Variants in SNTG1 observed in about 807,000 individuals in gnomAD.
SNTG1 encodes gamma-1-syntrophin.
SNTG1 carries 39 observed loss-of-function variants against 74.7 expected under a neutral mutation model. The observed-to-expected ratio is 0.52, with a 90% confidence interval of 0.40 to 0.68. SNTG1 has a LOEUF of 0.68. Among genes scored for constraint, SNTG1 ranks in the 30% least tolerant of loss-of-function variants. The pLI, the probability that SNTG1 is intolerant of heterozygous loss-of-function variation, is 0.00. For missense variants in SNTG1, 685 were observed against 609.5 expected (o/e 1.12, Z -1.30); for synonymous variants, 254 against 217.1 (o/e 1.17, Z -1.49).
chr8:50,780,252 T>A (rs1312529905), intron 18 of SNTG1, among the ~76,000 whole-genome samples: 1 of 152,188 alleles, frequency 6.6e-6, no homozygotes, highest in Non-Finnish European at 1.5e-5. Context: ...CTTTTTCTAT[T>A]GGTTGGAATA....
chr8:50,049,429 A>G (rs981742790), intron 1 of SNTG1, among the ~76,000 whole-genome samples: 22 of 152,298 alleles, frequency 1.4e-4, no homozygotes, highest in African/African-American at 5.3e-4. Context: ...GCATGGATTG[A>G]TTCATCAGAA....
chr8:50,421,071 G>T (rs1302188967), intron 4 of SNTG1, among the ~76,000 whole-genome samples: 1 of 142,122 alleles, frequency 7.0e-6, no homozygotes, highest in South Asian at 2.3e-4. Context: ...CGAAGATAAA[G>T]GGACATTTAA....
chr8:49,951,376 A>C (rs7814847), intron 1 of SNTG1, among the ~76,000 whole-genome samples: 1,785 of 152,330 alleles, frequency 0.012, 35 homozygotes, highest in African/African-American at 0.04. Flanking sequence ...GAGACAAATG[A>C]AATTAGTCCA....
intron 1 of SNTG1, among the ~76,000 whole-genome samples, chr8:49,969,060 T>C (rs998422088): frequency 6.6e-6 from 1 of 152,136 alleles, no homozygotes; most frequent in African/African-American, 2.4e-5. Flanking sequence ...GTGTGTAAAA[T>C]GAATTGGAGG....
chr8:50,270,043 C>T (rs1004054888), intron 2 of SNTG1, among the ~76,000 whole-genome samples: 2 of 151,720 alleles, frequency 1.3e-5, no homozygotes, highest in Admixed American at 1.3e-4. Flanking sequence ...AAGATTTTTC[C>T]AAGTATAAGT....
chr8:50,792,181 C>T (rs535824852), intron 18 of SNTG1, among the ~76,000 whole-genome samples: 1 of 151,532 alleles, frequency 6.6e-6, no homozygotes, highest in South Asian at 2.1e-4. Flanking sequence ...CCATTTGGCT[C>T]CTCTGGTTAT....
intron 13 of SNTG1, among the ~76,000 whole-genome samples, chr8:50,601,481 G>A (rs2094774827): frequency 6.6e-6 from 1 of 152,102 alleles, no homozygotes; most frequent in South Asian, 2.1e-4. Flanking sequence ...TGCAGTCAGA[G>A]AAAATGCTTG....
intron 17 of SNTG1, among the ~76,000 whole-genome samples, chr8:50,725,680 A>G (rs1459044418): frequency 6.6e-6 from 1 of 152,170 alleles, no homozygotes; most frequent in Non-Finnish European, 1.5e-5. Context: ...AGGCTGTTAC[A>G]CCAACTGGCT....
chr8:50,152,407 AT>A (rs1197526448), intron 1 of SNTG1, among the ~76,000 whole-genome samples: 1 of 152,166 alleles, frequency 6.6e-6, no homozygotes, highest in Non-Finnish European at 1.5e-5. Context: ...GCCCATTTAC[AT>A]TTAAGGTTAA....
Position 50,119,659 on chromosome 8 carries a change from C to T in SNTG1, c.-102-52902C>T, listed in dbSNP as rs2080932186. 1.4e-5 allele frequency among the ~76,000 whole-genome samples: 2 copies of T among 141,320 alleles called. 1 individual carries two copies. The highest frequency in any genetic ancestry group is 3.1e-5 in the Non-Finnish European group (2 of 63,530). 92.7% of individuals were successfully genotyped at this position (141,320 alleles called of 152,430 possible). ...TAATAGGTAAACAGATAATAGCTAG[C>T]ATTGAGCTAGCTAGCTATTATTTTT... On this transcript the variant is annotated intron_variant, in intron 1 of 18. Coordinates refer to ENST00000642720, the MANE Select transcript of SNTG1 (RefSeq NM_018967.5).
At chr8:49,933,323 C>T (rs1334030534) in intron 1 of SNTG1, among the ~76,000 whole-genome samples, 1 of 152,108 alleles carries the variant, frequency 6.6e-6, no homozygotes, top group Admixed American at 6.5e-5. Flanking sequence ...GGGTAACTGA[C>T]TCTAGTTTTA....
intron 9 of SNTG1, among the ~76,000 whole-genome samples, chr8:50,515,854 G>C (rs1209627856): frequency 2.0e-5 from 3 of 152,122 alleles, no homozygotes; most frequent in Admixed American, 2.0e-4. Context: ...GCACCTGGGG[G>C]AAGGGGCGGC....
chr8:50,132,956 A>G (rs1228590299), intron 1 of SNTG1, among the ~76,000 whole-genome samples: 2 of 152,174 alleles, frequency 1.3e-5, no homozygotes, highest in Non-Finnish European at 2.9e-5. Context: ...ACACCTGTCC[A>G]GTTTCATCCT....
At position 50,027,330 on chromosome 8, in the gene SNTG1, C is replaced by T. The variant is rs558705271; in HGVS notation, c.-103+115099C>T. ...AGCTGGTAACCAGGTGTTGTTGACA[C>T]CAGCCTTATCCAGACACGTCCTATG... On this transcript the variant is annotated intron_variant, in intron 1 of 18. Transcript: ENST00000642720. Among the ~76,000 whole-genome samples, 421 of 152,212 alleles carry T rather than the reference C, an allele frequency of 2.8e-3. 3 individuals carry two copies. The highest frequency in any genetic ancestry group is 9.7e-3 in the African/African-American group (401 of 41,530).
intron 8 of SNTG1, chr8:50,457,191 T>C (rs2093514405): frequency 2.0e-5 from 3 of 152,152 alleles, no homozygotes; most frequent in Admixed American, 1.3e-4. Flanking sequence ...GATTATTGCT[T>C]AGGTCTTTTT....
At chr8:50,379,467 G>A (rs2092445787) in intron 2 of SNTG1, among the ~76,000 whole-genome samples, 1 of 152,122 alleles carries the variant, frequency 6.6e-6, no homozygotes, top group South Asian at 2.1e-4. Flanking sequence ...GGAGCACAGG[G>A]ATGTCTGGAT....
intron 17 of SNTG1, among the ~76,000 whole-genome samples, chr8:50,741,452 A>G (rs996320364): frequency 6.6e-6 from 1 of 152,068 alleles, no homozygotes; most frequent in Admixed American, 6.6e-5. Flanking sequence ...TAAAAGTTAA[A>G]TGTAAGAAAA....
chr8:50,106,777 T>C (rs1238553305), intron 1 of SNTG1, among the ~76,000 whole-genome samples: 1 of 152,176 alleles, frequency 6.6e-6, no homozygotes, highest in Non-Finnish European at 1.5e-5. Flanking sequence ...TTTGATAACA[T>C]TGTGTTTGAC....
At chr8:50,559,259 T>G (rs2094473622) in intron 12 of SNTG1, among the ~76,000 whole-genome samples, 1 of 152,222 alleles carries the variant, frequency 6.6e-6, no homozygotes, top group South Asian at 2.1e-4. Context: ...AAAATTAAAA[T>G]ATATTGCAAA....
Sources: gnomAD v4.1 joint callset for allele counts (sites outside exome capture counted in the v4.1 genomes callset) on GRCh38, gnomAD v4.1.1 for gene constraint, MANE v1.5 for transcripts, NCBI Gene and HGNC (gene_info 2026-07-23, HGNC 2026-07-21) for gene names.